PRKG1: variants seen among roughly 807,000 people sequenced by gnomAD.
PRKG1 encodes cGMP-dependent protein kinase 1.
In PRKG1, 35 loss-of-function variants were observed where a neutral mutation model predicts 88.1. The ratio of observed to expected loss-of-function variants is 0.40; its 90% CI spans 0.30 to 0.53. The LOEUF (loss-of-function observed/expected upper bound fraction) is 0.53. Ranked by LOEUF, PRKG1 falls within the 20% of genes least tolerant of loss-of-function variation. PRKG1 has a pLI of 0.59. For synonymous variants in PRKG1, 303 were observed against 292.5 expected, an observed-to-expected ratio of 1.04 and a Z score of -0.37; for missense variants, 540 against 839.8, an observed-to-expected ratio of 0.64 and a Z score of 4.41.
intron 5 of PRKG1, among the ~76,000 whole-genome samples, chr10:52,035,781 T>C (rs1371392887): frequency 2.0e-5 from 3 of 152,026 alleles, no homozygotes; most frequent in African/African-American, 7.2e-5. Flanking sequence ...ATGAGAACTG[T>C]AGAGAGTGAG....
chr10:51,550,086 T>C (rs1444738479), intron 3 of PRKG1, among the ~76,000 whole-genome samples: 2 of 152,144 alleles, frequency 1.3e-5, no homozygotes, highest in Non-Finnish European at 2.9e-5. Flanking sequence ...TATCATCAAA[T>C]GCACACGAAT....
intron 3 of PRKG1, among the ~76,000 whole-genome samples, chr10:51,628,254 C>G (rs985262012): frequency 1.3e-5 from 2 of 151,096 alleles, no homozygotes; most frequent in African/African-American, 4.9e-5. Flanking sequence ...ACTGCAGCCT[C>G]GACCTCCCAG....
chr10:51,097,922 T>C (rs1465027050), intron 1 of PRKG1, among the ~76,000 whole-genome samples: 2 of 144,204 alleles, frequency 1.4e-5, no homozygotes, highest in Non-Finnish European at 3.0e-5. Flanking sequence ...CTAGCTTTTC[T>C]GGATCTCCTC....
chr10:51,557,068 C>T (rs1837332320), intron 3 of PRKG1, among the ~76,000 whole-genome samples: 2 of 151,902 alleles, frequency 1.3e-5, no homozygotes, highest in African/African-American at 4.8e-5. Flanking sequence ...TCCCCCAATC[C>T]CACACACATA....
At chr10:52,283,030 G>A (rs1478352773) in intron 14 of PRKG1, among the ~76,000 whole-genome samples, 1 of 152,008 alleles carries the variant, frequency 6.6e-6, no homozygotes, top group East Asian at 1.9e-4. Context: ...GGCTTAAAGA[G>A]AAAGGCAATA....
At chr10:51,161,222 G>C (rs934096902) in intron 2 of PRKG1, among the ~76,000 whole-genome samples, 1 of 151,748 alleles carries the variant, frequency 6.6e-6, no homozygotes, top group Non-Finnish European at 1.5e-5. Context: ...TGATTAAGCT[G>C]ACTAATACAG....
intron 5 of PRKG1, among the ~76,000 whole-genome samples, chr10:51,975,698 T>G (rs1392919841): frequency 2.6e-5 from 4 of 152,064 alleles, no homozygotes; most frequent in African/African-American, 9.7e-5. Context: ...AGTATAAAAC[T>G]CTTAGAAGGA....
chr10:51,215,579 T>C (rs1052233097), intron 2 of PRKG1, among the ~76,000 whole-genome samples: 1 of 151,866 alleles, frequency 6.6e-6, no homozygotes, highest in East Asian at 1.9e-4. Context: ...AGGAAGGGAG[T>C]AGAAGAATGC....
At chr10:51,026,817 G>C (rs974875015) in intron 1 of PRKG1, among the ~76,000 whole-genome samples, 1 of 152,126 alleles carries the variant, frequency 6.6e-6, no homozygotes, top group Admixed American at 6.6e-5. Context: ...ACCTATGTGT[G>C]CTAGGGTCCA....
chr10:51,759,790 G>A (rs181708427), intron 3 of PRKG1, among the ~76,000 whole-genome samples: 18 of 152,066 alleles, frequency 1.2e-4, no homozygotes, highest in Admixed American at 1.0e-3. Flanking sequence ...GTGTGTGTGT[G>A]TTTGTGTGTG....
At chr10:51,654,567 C>T (rs1840117508) in intron 3 of PRKG1, among the ~76,000 whole-genome samples, 1 of 152,222 alleles carries the variant, frequency 6.6e-6, no homozygotes, top group East Asian at 1.9e-4. Flanking sequence ...AACACACACA[C>T]ACACACAACC....
chr10:51,131,709 G>T (rs868774626), intron 1 of PRKG1, among the ~76,000 whole-genome samples: 25 of 152,304 alleles, frequency 1.6e-4, no homozygotes, highest in Middle Eastern at 6.8e-3. Flanking sequence ...TCTCCTAGTG[G>T]CAGTTAATAG....
At chr10:51,810,938 T>C (rs558486734) in intron 4 of PRKG1, among the ~76,000 whole-genome samples, 3 of 152,334 alleles carry the variant, frequency 2.0e-5, no homozygotes, top group Admixed American at 2.0e-4. Flanking sequence ...CATCATCACC[T>C]CTGTGGTCTG....
chr10:51,330,156 ATTTTT>A (rs68018506), intron 2 of PRKG1, among the ~76,000 whole-genome samples: 3 of 117,078 alleles, frequency 2.6e-5, no homozygotes, highest in Non-Finnish European at 1.8e-5. Flanking sequence ...TTTTTTATTT[ATTTTT>A]TTTTTTTGAG....
chr10:51,043,606 C>G (rs1843452770), intron 1 of PRKG1, among the ~76,000 whole-genome samples: 1 of 152,208 alleles, frequency 6.6e-6, no homozygotes, highest in Non-Finnish European at 1.5e-5. Context: ...GGCCATAGTA[C>G]TTTTCTTACT....
intron 9 of PRKG1, among the ~76,000 whole-genome samples, chr10:52,248,989 GCTTCCCC>G (rs1841098009): frequency 3.1e-5 from 1 of 32,404 alleles, no homozygotes. Flanking sequence ...CCTTCCCCAC[GCTTCCCC>G]CTTCTCCCCC....
chr10:51,121,602 C>T (rs1227797367), intron 1 of PRKG1, among the ~76,000 whole-genome samples: 1 of 152,128 alleles, frequency 6.6e-6, no homozygotes. Flanking sequence ...GTACTTTTCC[C>T]TAATTTTTAT....
chr10:51,632,459 C>T (rs1223584538), intron 3 of PRKG1, among the ~76,000 whole-genome samples: 7 of 152,154 alleles, frequency 4.6e-5, no homozygotes, highest in Admixed American at 3.3e-4. Flanking sequence ...GCACACCCAT[C>T]GCAGTCAAGT....
At chr10:51,250,877 C>T (rs1174471497) in intron 2 of PRKG1, among the ~76,000 whole-genome samples, 1 of 151,716 alleles carries the variant, frequency 6.6e-6, no homozygotes, top group African/African-American at 2.4e-5. Flanking sequence ...CAGCCCTACA[C>T]CCTGTGTTGG....
Sources: gnomAD v4.1 joint callset for allele counts (sites outside exome capture counted in the v4.1 genomes callset) on GRCh38, gnomAD v4.1.1 for gene constraint, MANE v1.5 for transcripts, NCBI Gene and HGNC (gene_info 2026-07-23, HGNC 2026-07-21) for gene names.